The following TRABD2B variants were observed in gnomAD, a reference collection of about 807,000 sequenced individuals.
The protein encoded by TRABD2B is metalloprotease TIKI2.
Under a neutral mutation model 40.1 loss-of-function variants are expected in TRABD2B, and 14 were observed. The observed-to-expected ratio is 0.35, with a 90% CI of 0.23 to 0.55. The LOEUF is 0.55. TRABD2B is among the 20% of genes least tolerant of loss of function. The pLI, the probability that TRABD2B is intolerant of heterozygous loss-of-function variation, is 0.90. For synonymous variants in TRABD2B, 263 were observed against 277.0 expected (o/e 0.95, Z 0.50); for missense variants, 541 against 648.6 (o/e 0.83, Z 1.80).
intron 2 of TRABD2B, among the ~76,000 whole-genome samples, chr1:47,987,704 G>A (rs1312074848): frequency 1.3e-5 from 2 of 152,198 alleles, no homozygotes; most frequent in East Asian, 1.9e-4. Flanking sequence ...ACAGCCCTCT[G>A]GGCACAGAAA....
intron 2 of TRABD2B, among the ~76,000 whole-genome samples, chr1:47,849,009 G>A (rs559572899): frequency 6.6e-6 from 1 of 152,312 alleles, no homozygotes; most frequent in East Asian, 1.9e-4. Context: ...AAGGCTTCAT[G>A]CACATTGCCT....
chr1:47,805,992 G>T (rs961224049), intron 2 of TRABD2B, among the ~76,000 whole-genome samples: 1 of 152,170 alleles, frequency 6.6e-6, no homozygotes, highest in Admixed American at 6.5e-5. Flanking sequence ...GATGTTGTCC[G>T]TAGTCAAAGA....
intron 2 of TRABD2B, among the ~76,000 whole-genome samples, chr1:47,908,173 A>G (rs1185679658): frequency 6.6e-6 from 1 of 152,194 alleles, no homozygotes; most frequent in Non-Finnish European, 1.5e-5. Flanking sequence ...GAGTATGTAT[A>G]ATAATAATCC....
intron 2 of TRABD2B, among the ~76,000 whole-genome samples, chr1:47,840,960 G>A (rs530942589): frequency 8.5e-5 from 13 of 152,300 alleles, no homozygotes; most frequent in Non-Finnish European, 1.5e-4. Flanking sequence ...GGGAAGGAAA[G>A]AGAGAGAGAA....
At chr1:47,846,865 C>T (rs1454095022) in intron 2 of TRABD2B, among the ~76,000 whole-genome samples, 3 of 145,498 alleles carry the variant, frequency 2.1e-5, no homozygotes, top group South Asian at 2.1e-4. Flanking sequence ...CATACACACA[C>T]ACACACACAC....
chr1:47,913,341 A>G (rs1325065439), intron 2 of TRABD2B, among the ~76,000 whole-genome samples: 1 of 152,150 alleles, frequency 6.6e-6, no homozygotes, highest in Non-Finnish European at 1.5e-5. Context: ...GCAAGCCAGT[A>G]TGGTTTCCAT....
intron 2 of TRABD2B, among the ~76,000 whole-genome samples, chr1:47,834,766 A>G (rs1448612185): frequency 6.6e-6 from 1 of 152,220 alleles, no homozygotes; most frequent in African/African-American, 2.4e-5. Context: ...AGTGACAACA[A>G]ACAGCAAAGG....
intron 2 of TRABD2B, among the ~76,000 whole-genome samples, chr1:47,831,296 G>C (rs986967092): frequency 6.6e-6 from 1 of 152,164 alleles, no homozygotes; most frequent in African/African-American, 2.4e-5. Context: ...GAGGCCTCGG[G>C]AAAAATGCAA....
At chr1:47,767,428 G>A (rs779040499) in intron 6 of TRABD2B, among the ~76,000 whole-genome samples, 16 of 152,266 alleles carry the variant, frequency 1.1e-4, no homozygotes, top group Non-Finnish European at 1.9e-4. Context: ...ACTCCTGGAC[G>A]GTGAAAAAAG....
chr1:47,798,562 A>G lies in TRABD2B; in HGVS notation c.813+2911T>C, dbSNP rs554767908. On this transcript the variant is annotated intron_variant, in intron 3 of 6. Transcript: ENST00000606738. Reference sequence around the variant, plus strand: ...ATGAGGTGCCCCTGGCCCCTTTCCCAGTGTTATCCACCCAGGCCTGCACCT... The same window carrying G: ...ATGAGGTGCCCCTGGCCCCTTTCCCGGTGTTATCCACCCAGGCCTGCACCT... 3.3e-5 allele frequency among the ~76,000 whole-genome samples: 5 copies of G among 152,282 alleles called. No individual in the cohort carries two copies. In the East Asian group the frequency reaches 9.7e-4, roughly 29 times the overall value.
intron 2 of TRABD2B, among the ~76,000 whole-genome samples, chr1:47,946,536 A>G (rs953494832): frequency 2.0e-5 from 3 of 152,166 alleles, no homozygotes; most frequent in African/African-American, 4.8e-5. Flanking sequence ...AAGAAATTAC[A>G]TTGATTGATT....
chr1:47,979,744 T>G (rs1473242884), intron 2 of TRABD2B, among the ~76,000 whole-genome samples: 1 of 152,144 alleles, frequency 6.6e-6, no homozygotes, highest in Non-Finnish European at 1.5e-5. Flanking sequence ...TTAGAAATGG[T>G]GGTCAAGGTC....
intron 2 of TRABD2B, among the ~76,000 whole-genome samples, chr1:47,957,445 C>CA (rs1645440953): frequency 6.6e-6 from 1 of 152,094 alleles, no homozygotes; most frequent in Non-Finnish European, 1.5e-5. Context: ...CAATCCATCA[C>CA]AAAAAAGCTA....
chr1:47,965,245 G>T (rs1352179839), intron 2 of TRABD2B, among the ~76,000 whole-genome samples: 8 of 133,434 alleles, frequency 6.0e-5, no homozygotes, highest in African/African-American at 1.7e-4. Flanking sequence ...ATGGGGAGGT[G>T]GGGGGAAAGT....
intron 2 of TRABD2B, among the ~76,000 whole-genome samples, chr1:47,988,154 T>C (rs1367600623): frequency 6.6e-6 from 1 of 152,054 alleles, no homozygotes; most frequent in East Asian, 1.9e-4. Context: ...AGGATGGCCA[T>C]TCTTGGAGGA....
At chr1:47,900,124 C>T (rs771876670) in intron 2 of TRABD2B, among the ~76,000 whole-genome samples, 3 of 152,112 alleles carry the variant, frequency 2.0e-5, no homozygotes, top group Admixed American at 6.5e-5. Context: ...ACCTCAGAGT[C>T]GGCTTCCCAG....
intron 2 of TRABD2B, among the ~76,000 whole-genome samples, chr1:47,815,845 A>ATAGC (rs59538710): frequency 0.11 from 13,533 of 127,312 alleles, 1,313 homozygotes; most frequent in Non-Finnish European, 0.15. Flanking sequence ...AGATAGATAG[A>ATAGC]TAGATAGAAA....
chr1:47,787,473 T>G (rs979834397), intron 4 of TRABD2B, among the ~76,000 whole-genome samples: 4 of 152,214 alleles, frequency 2.6e-5, no homozygotes, highest in African/African-American at 9.7e-5. Flanking sequence ...TTTCTTTCTT[T>G]TCTGGCTTTT....
rs1387598836 is a variant in TRABD2B, at chr1:47,762,650, G to A, written c.*3252C>T. On this transcript the variant is annotated 3_prime_UTR_variant, in exon 7 of 7. Coordinates refer to ENST00000606738, the MANE Select transcript of TRABD2B (RefSeq NM_001194986.2). ...GCAAGGACAAATTTGTTCATAACCAGCACAAGGTTCCATGCTTCCTAGATC... is the reference window on the plus strand; with the variant it reads ...GCAAGGACAAATTTGTTCATAACCAACACAAGGTTCCATGCTTCCTAGATC... 6.6e-6 allele frequency: 1 copy of A among 152,190 alleles called. No homozygotes were observed. Among genetic ancestry groups the A allele is most frequent in the Non-Finnish European group, 1.5e-5 (1 of 68,042 alleles). 9.4% of individuals were successfully genotyped at this position (152,190 alleles called of 1,614,324 possible).
Sources: gnomAD v4.1 joint callset for allele counts (sites outside exome capture counted in the v4.1 genomes callset) on GRCh38, gnomAD v4.1.1 for gene constraint, MANE v1.5 for transcripts, NCBI Gene and HGNC (gene_info 2026-07-23, HGNC 2026-07-21) for gene names.